MSRA: variants seen among roughly 807,000 people sequenced by gnomAD.
MSRA encodes mitochondrial peptide methionine sulfoxide reductase.
Under a neutral mutation model 31.3 loss-of-function variants are expected in MSRA, and 54 were observed. The ratio of observed to expected loss-of-function variants is 1.73; its 90% CI spans 1.39 to 2.17. MSRA has a LOEUF of 2.17. Ranked by LOEUF, MSRA falls within the 30% of genes most tolerant of loss-of-function variation. The pLI is 0.00. For synonymous variants in MSRA, 169 were observed against 116.5 expected (o/e 1.45, Z -2.90); for missense variants, 507 against 300.9 (o/e 1.69, Z -5.07).
chr8:10,270,447 T>G (rs1428039777), intron 3 of MSRA, among the ~76,000 whole-genome samples: 1 of 151,778 alleles, frequency 6.6e-6, no homozygotes, highest in Non-Finnish European at 1.5e-5. Context: ...GGTGCCTTAT[T>G]TGTGTAATAG....
chr8:10,080,938 G>T (rs923997933), intron 1 of MSRA, among the ~76,000 whole-genome samples: 1 of 152,212 alleles, frequency 6.6e-6, no homozygotes, highest in Admixed American at 6.5e-5. Context: ...TACCGCAGAA[G>T]GCTGTTGGGC....
chr8:10,167,508 T>G (rs569750079), intron 1 of MSRA, among the ~76,000 whole-genome samples: 8 of 152,332 alleles, frequency 5.3e-5, no homozygotes, highest in African/African-American at 1.9e-4. Flanking sequence ...ATTTCTTCCC[T>G]TTAAATCTGG....
intron 5 of MSRA, among the ~76,000 whole-genome samples, chr8:10,385,928 C>T (rs143126467): frequency 1.2e-3 from 189 of 152,176 alleles, no homozygotes; most frequent in Non-Finnish European, 2.1e-3. Flanking sequence ...GAGGACAATA[C>T]GCGATCACAG....
chr8:10,101,962 C>T (rs562471272), intron 1 of MSRA, among the ~76,000 whole-genome samples: 16 of 152,088 alleles, frequency 1.1e-4, no homozygotes, highest in Non-Finnish European at 5.9e-5. Context: ...AGTTGTACTC[C>T]CTTCTTTTGC....
At position 10,275,062 on chromosome 8, in the gene MSRA, A is replaced by G. The variant is rs144600842; in HGVS notation, c.332-26472A>G. 5.0e-3 allele frequency among the ~76,000 whole-genome samples: 748 copies of G among 149,006 alleles called. 1 individual carries two copies. Among genetic ancestry groups the G allele is most frequent in the Middle Eastern group, 0.014 (4 of 282 alleles). ...CAAGGACATGACGTGCAAATGCATTATTTTCATCAGTTTAGATATGAGAAT... is the reference window on the plus strand; with the variant it reads ...CAAGGACATGACGTGCAAATGCATTGTTTTCATCAGTTTAGATATGAGAAT... On this transcript the variant is annotated intron_variant, in intron 3 of 5. Transcript: ENST00000317173.
chr8:10,164,306 C>G (rs1471519590), intron 1 of MSRA, among the ~76,000 whole-genome samples: 1 of 152,170 alleles, frequency 6.6e-6, no homozygotes, highest in East Asian at 1.9e-4. Flanking sequence ...GTAAATCCTT[C>G]CTAGGTGAAA....
chr8:10,063,850 G>C (rs1467234406), intron 1 of MSRA, among the ~76,000 whole-genome samples: 2 of 152,328 alleles, frequency 1.3e-5, no homozygotes, highest in Non-Finnish European at 2.9e-5. Context: ...TGTTATAGCA[G>C]TCTGGCGGAC....
chr8:10,330,006 ATGTGTGTGTG>A (rs72198519), intron 5 of MSRA, among the ~76,000 whole-genome samples: 26 of 135,478 alleles, frequency 1.9e-4, no homozygotes, highest in Middle Eastern at 3.7e-3. Context: ...AGAGAAAAAA[ATGTGTGTGTG>A]TGTGTGTGTG....
intron 1 of MSRA, among the ~76,000 whole-genome samples, chr8:10,137,578 A>G (rs1231014304): frequency 6.6e-6 from 1 of 152,224 alleles, no homozygotes; most frequent in Non-Finnish European, 1.5e-5. Flanking sequence ...CCATAAGCTT[A>G]GTAGGAATCA....
chr8:10,153,690 T>C (rs1348550866), intron 1 of MSRA, among the ~76,000 whole-genome samples: 1 of 152,142 alleles, frequency 6.6e-6, no homozygotes, highest in Non-Finnish European at 1.5e-5. Context: ...ACCCATGAAG[T>C]ACGCTGGCTG....
chr8:10,217,151 T>C (rs1810062232), intron 2 of MSRA, among the ~76,000 whole-genome samples: 1 of 152,204 alleles, frequency 6.6e-6, no homozygotes, highest in Non-Finnish European at 1.5e-5. Flanking sequence ...ATTCTAAAAA[T>C]GTACACGTTT....
At chr8:10,379,560 T>G (rs1348925297) in intron 5 of MSRA, among the ~76,000 whole-genome samples, 2 of 152,120 alleles carry the variant, frequency 1.3e-5, no homozygotes, top group African/African-American at 4.8e-5. Context: ...CTTCCTCTCA[T>G]GCCCCCTCCG....
In MSRA at chr8:10,351,088, G is replaced by A. The variant is rs547806322; in HGVS notation, c.543+31099G>A. On this transcript the variant is annotated intron_variant, in intron 5 of 5. Coordinates refer to ENST00000317173, the MANE Select transcript of MSRA (RefSeq NM_012331.5). ...TGCAGCAGAATGCTGTGAGTCAGACGACGTCCTGCCAAGTGCAACCTGAGA... is the reference window on the plus strand; with the variant it reads ...TGCAGCAGAATGCTGTGAGTCAGACAACGTCCTGCCAAGTGCAACCTGAGA... 2.1e-4 allele frequency among the ~76,000 whole-genome samples: 32 copies of A among 152,270 alleles called. No individual in the cohort carries two copies. In the East Asian group the frequency reaches 3.7e-3, roughly 17 times the overall value.
At chr8:10,147,266 C>T (rs545576994) in intron 1 of MSRA, among the ~76,000 whole-genome samples, 2 of 152,060 alleles carry the variant, frequency 1.3e-5, no homozygotes, top group South Asian at 2.1e-4. Context: ...AAGGAACCGG[C>T]GATCCATCCT....
At chr8:10,054,753 G>A in intron 1 of MSRA, 95 bp downstream of exon 1, 1 of 1,302,224 alleles carries the variant, frequency 7.7e-7, no homozygotes, top group South Asian at 2.2e-5. Flanking sequence ...AGGAAGCCGT[G>A]GGCTGGCCTC....
intron 1 of MSRA, among the ~76,000 whole-genome samples, chr8:10,191,682 G>C (rs1444089941): frequency 6.6e-6 from 1 of 151,752 alleles, no homozygotes; most frequent in African/African-American, 2.4e-5. Context: ...AATGGGTCAT[G>C]TTCTAGGGGT....
At chr8:10,250,458 A>T in intron 3 of MSRA, 1 of 702,528 alleles carries the variant, frequency 1.4e-6, no homozygotes, top group Non-Finnish European at 2.6e-6. Context: ...TAGTCTATTC[A>T]AAAGCTTTTA....
chr8:10,318,925 C>T (rs1399875561), intron 4 of MSRA, among the ~76,000 whole-genome samples: 2 of 152,168 alleles, frequency 1.3e-5, no homozygotes, highest in African/African-American at 4.8e-5. Context: ...CCTGAAGGCA[C>T]CGCACTGCTC....
intron 1 of MSRA, among the ~76,000 whole-genome samples, chr8:10,154,803 A>T (rs1804009178): frequency 6.6e-6 from 1 of 152,112 alleles, no homozygotes; most frequent in Non-Finnish European, 1.5e-5. Context: ...AAAGAAAATC[A>T]CATGTATATT....
Sources: allele counts gnomAD v4.1 joint callset (sites outside exome capture counted in the v4.1 genomes callset), GRCh38; gene constraint gnomAD v4.1.1; transcripts MANE v1.5; gene names NCBI Gene and HGNC (gene_info 2026-07-23, HGNC 2026-07-21).